CCDC3: variants seen among roughly 807,000 people sequenced by gnomAD.
CCDC3 encodes coiled-coil domain containing 3, also known as coiled-coil domain-containing protein 3.
Under a neutral mutation model 21.4 loss-of-function variants are expected in CCDC3, and 24 were observed. That is an observed-to-expected ratio of 1.12 (90% confidence interval 0.81 to 1.58). CCDC3 has a LOEUF of 1.58. CCDC3 is among the 40% of genes most tolerant of loss of function. The pLI is 0.00. For synonymous variants in CCDC3, 186 were observed against 166.0 expected, an observed-to-expected ratio of 1.12 and a Z score of -0.93; for missense variants, 425 against 360.9, an observed-to-expected ratio of 1.18 and a Z score of -1.44.
intron 5 of CCDC3, among the ~76,000 whole-genome samples, chr10:13,038,230 G>T (rs890204041): frequency 2.0e-5 from 3 of 152,102 alleles, no homozygotes; most frequent in Non-Finnish European, 4.4e-5. Context: ...TGAGGAGGGA[G>T]AGCATCAGGA....
At chr10:12,907,328 T>A (rs1317172343) in intron 2 of CCDC3, among the ~76,000 whole-genome samples, 1 of 152,192 alleles carries the variant, frequency 6.6e-6, no homozygotes, top group Non-Finnish European at 1.5e-5. Context: ...CCATCTTCCC[T>A]GTGAAGCCCC....
At chr10:12,981,337 A>G (rs1265328025) in intron 2 of CCDC3, among the ~76,000 whole-genome samples, 2 of 151,054 alleles carry the variant, frequency 1.3e-5, no homozygotes, top group Non-Finnish European at 3.0e-5. Flanking sequence ...CTGCCACCAC[A>G]CCCAGCTAAT....
chr10:13,029,529 T>C (rs531069348), intron 5 of CCDC3, among the ~76,000 whole-genome samples: 3 of 152,104 alleles, frequency 2.0e-5, no homozygotes, highest in East Asian at 3.9e-4. Context: ...CGATCGGTAA[T>C]AATAAACTTC....
intron 5 of CCDC3, among the ~76,000 whole-genome samples, chr10:13,022,437 T>G (rs552697517): frequency 6.6e-6 from 1 of 152,292 alleles, no homozygotes; most frequent in Admixed American, 6.5e-5. Flanking sequence ...ATCACATGCT[T>G]CAACTCAGCA....
intron 4 of CCDC3, among the ~76,000 whole-genome samples, chr10:13,052,084 C>G (rs1426795184): frequency 6.6e-6 from 1 of 152,074 alleles, no homozygotes; most frequent in Non-Finnish European, 1.5e-5. Flanking sequence ...AGTATAATCT[C>G]CAAATTTTGG....
At chr10:13,022,030 G>A (rs572664271) in intron 5 of CCDC3, among the ~76,000 whole-genome samples, 28 of 152,262 alleles carry the variant, frequency 1.8e-4, no homozygotes, top group African/African-American at 6.5e-4. Flanking sequence ...AAAGTGCTGA[G>A]ATTACAGGTG....
intron 2 of CCDC3, among the ~76,000 whole-genome samples, chr10:12,994,868 G>T (rs1021029336): frequency 1.3e-5 from 2 of 151,992 alleles, no homozygotes; most frequent in Non-Finnish European, 2.9e-5. Flanking sequence ...ATCATCTGAG[G>T]TCAGGAGTTC....
intron 3 of CCDC3, among the ~76,000 whole-genome samples, chr10:13,078,179 C>T (rs1412449954): frequency 2.0e-5 from 3 of 152,038 alleles, no homozygotes; most frequent in Non-Finnish European, 2.9e-5. Context: ...AGCAAACAAC[C>T]CCATCAAAAA....
chr10:13,049,718 CTT>C (rs957565823), exon 5 of CCDC3: 2 of 152,136 alleles, frequency 1.3e-5, no homozygotes, highest in Non-Finnish European at 2.9e-5. Flanking sequence ...GAAATAGACT[CTT>C]CGCTCTCCAG....
At chr10:13,069,425 A>T (rs1327633344) in intron 4 of CCDC3, among the ~76,000 whole-genome samples, 1 of 152,244 alleles carries the variant, frequency 6.6e-6, no homozygotes, top group East Asian at 1.9e-4. Context: ...AAAAGGTTAT[A>T]AAAGGTTTTT....
At chr10:12,925,131 C>T (rs756616350) in intron 2 of CCDC3, among the ~76,000 whole-genome samples, 1 of 152,060 alleles carries the variant, frequency 6.6e-6, no homozygotes, top group Non-Finnish European at 1.5e-5. Context: ...AGCACATGGT[C>T]GGTTCCAGGA....
chr10:13,036,590 T>C (rs1836380094), intron 5 of CCDC3, among the ~76,000 whole-genome samples: 1 of 152,156 alleles, frequency 6.6e-6, no homozygotes. Flanking sequence ...GTTCAAGCAA[T>C]TCTCCTGCCT....
At chr10:12,953,881 T>C (rs1232591928) in intron 2 of CCDC3, among the ~76,000 whole-genome samples, 1 of 152,160 alleles carries the variant, frequency 6.6e-6, no homozygotes, top group African/African-American at 2.4e-5. Flanking sequence ...GGATAATAAA[T>C]ATTTCAGCTT....
intron 2 of CCDC3, among the ~76,000 whole-genome samples, chr10:12,908,501 G>A (rs188064783): frequency 1.3e-5 from 2 of 152,244 alleles, no homozygotes; most frequent in Non-Finnish European, 2.9e-5. Context: ...AGAAGCCTGG[G>A]AAACACTAGG....
chr10:12,923,878 C>T (rs1295409892), intron 2 of CCDC3, among the ~76,000 whole-genome samples: 5 of 152,166 alleles, frequency 3.3e-5, no homozygotes, highest in Non-Finnish European at 7.3e-5. Context: ...TTGCAAATAT[C>T]GATAAGGACA....
chr10:12,982,338 G>A (rs1366350990), intron 2 of CCDC3, among the ~76,000 whole-genome samples: 1 of 151,926 alleles, frequency 6.6e-6, no homozygotes, highest in Non-Finnish European at 1.5e-5. Flanking sequence ...CCAGGGGCTG[G>A]AGAGGTGAGG....
chr10:12,989,613 G>A (rs998336785), intron 2 of CCDC3, among the ~76,000 whole-genome samples: 11 of 151,864 alleles, frequency 7.2e-5, no homozygotes. Flanking sequence ...GTAGAGACAG[G>A]GTTTCACCAT....
chr10:12,984,178 A>T (rs886765655), intron 2 of CCDC3, among the ~76,000 whole-genome samples: 2 of 152,240 alleles, frequency 1.3e-5, no homozygotes, highest in South Asian at 4.1e-4. Flanking sequence ...TTTAGTATCC[A>T]TAATAAACAA....
At chr10:12,944,737 C>G (rs980312082) in intron 2 of CCDC3, among the ~76,000 whole-genome samples, 2 of 152,116 alleles carry the variant, frequency 1.3e-5, no homozygotes, top group African/African-American at 2.4e-5. Context: ...CCTATGTTTA[C>G]TAGTAAAATA....
Sources: allele counts gnomAD v4.1 joint callset (sites outside exome capture counted in the v4.1 genomes callset), GRCh38; gene constraint gnomAD v4.1.1; transcripts MANE v1.5; gene names NCBI Gene and HGNC (gene_info 2026-07-23, HGNC 2026-07-21).